The following ITGA4 variants were observed in gnomAD, a reference collection of about 807,000 sequenced individuals.
ITGA4 encodes the protein integrin subunit alpha 4, also known as integrin alpha-4.
Under a neutral mutation model 133.6 loss-of-function variants are expected in ITGA4, and 63 were observed. The observed-to-expected ratio is 0.47, with a 90% CI of 0.38 to 0.58. The LOEUF (loss-of-function observed/expected upper bound fraction) is 0.58. Among genes scored for constraint, ITGA4 ranks in the 20% least tolerant of loss-of-function variants. The pLI is 0.00. For missense variants in ITGA4, 1,076 were observed against 1,252.7 expected (o/e 0.86, Z 2.13); for synonymous variants, 483 against 438.0 (o/e 1.10, Z -1.28).
At chr2:181,504,791 A>T (rs898562546) in intron 15 of ITGA4, among the ~76,000 whole-genome samples, 2 of 152,082 alleles carry the variant, frequency 1.3e-5, no homozygotes, top group Non-Finnish European at 2.9e-5. Context: ...AAAAAATTCT[A>T]TAAGAAAAAT....
intron 20 of ITGA4, among the ~76,000 whole-genome samples, 163 bp from the exon 21 acceptor site, chr2:181,525,038 CT>C (rs1686804833): frequency 6.6e-6 from 1 of 151,916 alleles, no homozygotes. Flanking sequence ...TTCTGCCAAC[CT>C]TGTCCTAAAA....
At chr2:181,525,146 T>A (rs1301540679) in intron 20 of ITGA4, 56 bp from the exon 21 acceptor site, 1 of 984,010 alleles carries the variant, frequency 1.0e-6, no homozygotes, top group Non-Finnish European at 1.6e-6. Context: ...TAATTAGTTC[T>A]CTCTGAAGAT....
At chr2:181,462,032 T>C (rs1685293557) in intron 2 of ITGA4, among the ~76,000 whole-genome samples, 1 of 152,194 alleles carries the variant, frequency 6.6e-6, no homozygotes, top group African/African-American at 2.4e-5. Context: ...ATTAATTTTA[T>C]TTTTACTTTT....
intron 17 of ITGA4, among the ~76,000 whole-genome samples, chr2:181,512,953 G>A (rs965865624): frequency 5.3e-5 from 8 of 152,018 alleles, no homozygotes; most frequent in Non-Finnish European, 1.0e-4. Flanking sequence ...TAAATTGGAG[G>A]GAGACATCTT....
At chr2:181,535,029 C>A (rs1687029844) in intron 27 of ITGA4, 94 bp downstream of exon 27, 1 of 1,349,612 alleles carries the variant, frequency 7.4e-7, no homozygotes, top group Non-Finnish European at 9.9e-7. Flanking sequence ...AAATATTTCA[C>A]TATTTGAATG....
chr2:181,532,852 C>T (rs1026263631), intron 25 of ITGA4, among the ~76,000 whole-genome samples: 1 of 152,084 alleles, frequency 6.6e-6, no homozygotes, highest in African/African-American at 2.4e-5. Flanking sequence ...AGTTTTTGCC[C>T]ATTCAGTATG....
At chr2:181,468,265 T>C (rs1274425777) in intron 2 of ITGA4, among the ~76,000 whole-genome samples, 1 of 152,118 alleles carries the variant, frequency 6.6e-6, no homozygotes, top group Non-Finnish European at 1.5e-5. Flanking sequence ...TGTTACTGTC[T>C]TAAAATTGAA....
chr2:181,518,626 T>C (rs1282404375), intron 17 of ITGA4, among the ~76,000 whole-genome samples: 2 of 152,066 alleles, frequency 1.3e-5, no homozygotes, highest in Non-Finnish European at 2.9e-5. Flanking sequence ...TTTGAGTTTT[T>C]GTGGGACAGA....
rs1483399708 is a variant in ITGA4 at position 181,482,551 on chromosome 2, A to G, written c.941A>G (p.Asp314Gly). ...TTTGGAGCTTCTGTCTGTGCTGTGG[A>G]CCTCAATGCAGATGGCTTCTCAGAT... The part of the protein sequence containing the change: ...SYFGASVCAV[D>G]LNADGFSDLL... Residue 314 changes from aspartate (D) to glycine (G), a missense_variant, in exon 9 of 28, where the codon GAC becomes GGC. Physicochemically the swap from Asp to Gly is moderately conservative, Grantham distance 94. Around this residue, in one of 4 missense-constraint regions of ITGA4, gnomAD observed 436 missense variants for 590.7 expected, o/e 0.74. Coordinates refer to ENST00000397033, the MANE Select transcript of ITGA4 (RefSeq NM_000885.6). 1 of 1,613,746 alleles carries G rather than the reference A, an allele frequency of 6.2e-7. No individual in the cohort carries two copies. Among genetic ancestry groups the G allele is most frequent in the Non-Finnish European group, 8.5e-7 (1 of 1,179,818 alleles).
chr2:181,524,307 G>A (rs927547903), intron 20 of ITGA4, 57 bp downstream of exon 20: 7 of 959,576 alleles, frequency 7.3e-6, no homozygotes, highest in African/African-American at 1.7e-5. Flanking sequence ...TCTGAGGGGG[G>A]GGAATTAGGA....
chr2:181,468,442 T>TA (rs903329379), intron 2 of ITGA4, among the ~76,000 whole-genome samples: 22 of 152,280 alleles, frequency 1.4e-4, no homozygotes, highest in African/African-American at 5.3e-4. Flanking sequence ...CCCTCATACA[T>TA]ACTGAGTTCC....
Position 181,516,108 on chromosome 2 carries a change from C to T in ITGA4, c.1922+4333C>T, listed in dbSNP as rs572844209. Among the ~76,000 whole-genome samples the T allele has an allele frequency of 2.4e-4, 37 of 152,146 alleles. No homozygotes were observed. The highest frequency in any genetic ancestry group is 8.4e-4 in the African/African-American group (35 of 41,532). On this transcript the variant is annotated intron_variant, in intron 17 of 27. Coordinates refer to ENST00000397033, the MANE Select transcript of ITGA4 (RefSeq NM_000885.6). The surrounding 1 kb of genome is among the most constrained non-coding windows in gnomAD (Gnocchi z 4.0). The stretch of plus-strand genomic sequence containing the variant: ...GCAAAATAAAGATGAACCAACACGA[C>T]TTCAAGATTACAAATATAATAGAAG...
At chr2:181,471,166 G>T (rs1490500153) in intron 2 of ITGA4, among the ~76,000 whole-genome samples, 1 of 152,148 alleles carries the variant, frequency 6.6e-6, no homozygotes, top group Non-Finnish European at 1.5e-5. Flanking sequence ...TTCTGGCTAT[G>T]CATTCATTCT....
In ITGA4 at chr2:181,512,328, T is replaced by A. The variant is rs1050241503; in HGVS notation, c.1922+553T>A. Reference sequence around the variant, plus strand: ...GAAACGGGGAACTATTTTTGGGAGATTGGGATATAAATGGAGCAGCTTTAA... The same window carrying A: ...GAAACGGGGAACTATTTTTGGGAGAATGGGATATAAATGGAGCAGCTTTAA... On this transcript the variant is annotated intron_variant, in intron 17 of 27. Transcript: ENST00000397033. 1.3e-5 allele frequency among the ~76,000 whole-genome samples: 2 copies of A among 151,926 alleles called. 1 individual carries two copies. Among genetic ancestry groups the A allele is most frequent in the Admixed American group, 1.3e-4 (2 of 15,234 alleles).
Position 181,457,645 on chromosome 2 carries a change from C to T in ITGA4, c.-10C>T. ...GCCGTTTAGTGTTGAATGTTCCCCA[C>T]CGAGAGCGCATGGCTTGGGAAGCGA... On this transcript the variant is annotated 5_prime_UTR_variant, in exon 1 of 28. Coordinates refer to ENST00000397033, the MANE Select transcript of ITGA4 (RefSeq NM_000885.6). The T allele has an allele frequency of 6.2e-7, 1 of 1,607,582 alleles. No homozygotes were observed. The highest frequency in any genetic ancestry group is 8.5e-7 in the Non-Finnish European group (1 of 1,178,376).
In ITGA4 at chr2:181,477,783, AGAG is replaced by A. The variant is rs869182797; in HGVS notation, c.557-973_557-971del. On this transcript the variant is annotated intron_variant, in intron 4 of 27. Coordinates refer to ENST00000397033, the MANE Select transcript of ITGA4 (RefSeq NM_000885.6). Reference sequence around the variant, plus strand: ...TGGTACAGCCATTATAGAAAACAGTAGAGAAGTTACTCAAATTAAAAATAAAAC... The same window carrying A: ...TGGTACAGCCATTATAGAAAACAGTAAAGTTACTCAAATTAAAAATAAAAC... Among the ~76,000 whole-genome samples the A allele has an allele frequency of 4.5e-3, 690 of 152,252 alleles. 3 individuals carry two copies. The highest frequency in any genetic ancestry group is 0.016 in the African/African-American group (658 of 41,564).
Position 181,498,724 on chromosome 2 carries a change from A to G in ITGA4, c.1642A>G (p.Ile548Val), listed in dbSNP as rs200547233. ...NGTSDVITGSIQVSSREANCR... is the reference protein window; with the variant it reads ...NGTSDVITGSVQVSSREANCR... ...AACTTCTGACGTGATTACAGGAAGC[A>G]TACAGGTGTCCAGCAGAGAAGCTAA... Residue 548 changes from isoleucine to valine, a missense_variant, in exon 15 of 28, where the codon ATA becomes GTA. Physicochemically the swap from Ile to Val is conservative, Grantham distance 29 (BLOSUM62 3). Around this residue, in one of 4 missense-constraint regions of ITGA4, gnomAD observed 365 missense variants for 421.4 expected, o/e 0.87. Transcript: ENST00000397033. 1.2e-6 allele frequency: 2 copies of G among 1,612,756 alleles called. No homozygotes were observed. The highest frequency in any genetic ancestry group is 1.1e-5 in the South Asian group (1 of 90,974).
intron 9 of ITGA4, among the ~76,000 whole-genome samples, chr2:181,483,217 T>C (rs1685844203): frequency 6.6e-6 from 1 of 152,194 alleles, no homozygotes; most frequent in African/African-American, 2.4e-5. Flanking sequence ...CATAAATAGG[T>C]AATTACTGAC....
At chr2:181,522,169 A>G in intron 17 of ITGA4, 22 bp from the exon 18 acceptor site, 5 of 1,474,760 alleles carry the variant, frequency 3.4e-6, no homozygotes, top group Non-Finnish European at 4.7e-6. Context: ...ACAAGAACTA[A>G]ATAATATTAC....
Sources: gnomAD v4.1 joint callset for allele counts (sites outside exome capture counted in the v4.1 genomes callset) on GRCh38, gnomAD v4.1.1 for gene constraint, gnomAD v4.1.1 regional missense constraint, Gnocchi (gnomAD v3.1) non-coding constraint, MANE v1.5 for transcripts, NCBI Gene and HGNC (gene_info 2026-07-23, HGNC 2026-07-21) for gene names.